Variants in CNTN4 observed in about 807,000 individuals in gnomAD.
CNTN4 encodes contactin 4, also known as contactin-4.
A neutral mutation model predicts 122.5 loss-of-function variants in CNTN4; 77 were observed. The ratio of observed to expected loss-of-function variants is 0.63; its 90% CI spans 0.52 to 0.76. The LOEUF (loss-of-function observed/expected upper bound fraction) is 0.76, where lower values mean the gene tolerates loss of function less well. CNTN4 is among the 30% of genes least tolerant of loss of function. CNTN4 has a pLI of 0.00. For synonymous variants in CNTN4, 512 were observed against 447.0 expected (o/e 1.15, Z -1.83); for missense variants, 1,256 against 1,259.1 (o/e 1.00, Z 0.04).
At chr3:2,799,816 G>A (rs2092302895) in intron 6 of CNTN4, among the ~76,000 whole-genome samples, 1 of 152,088 alleles carries the variant, frequency 6.6e-6, no homozygotes, top group South Asian at 2.1e-4. Context: ...TATATATGGT[G>A]AGAGATAGGG....
intron 2 of CNTN4, among the ~76,000 whole-genome samples, chr3:2,235,082 A>T (rs2039630141): frequency 6.6e-6 from 1 of 152,174 alleles, no homozygotes; most frequent in East Asian, 1.9e-4. Flanking sequence ...CTCAGAACTA[A>T]CAAAAGAACC....
At position 2,231,515 on chromosome 3, in the gene CNTN4, G is replaced by C. The variant is rs889404636; in HGVS notation, c.-144-107663G>C. ...GAGCTTCTATTCTCAAGAGTTCTCT[G>C]AGGAAGCAGTACATCTATGCAAGGA... On this transcript the variant is annotated intron_variant, in intron 2 of 24. Coordinates refer to ENST00000418658, the MANE Select transcript of CNTN4 (RefSeq NM_175607.3). Among the ~76,000 whole-genome samples the C allele has an allele frequency of 3.3e-5, 5 of 152,292 alleles. No individual in the cohort carries two copies. The East Asian group carries it at 9.7e-4, about 29-fold the overall frequency.
At chr3:2,830,089 T>C (rs547773732) in intron 7 of CNTN4, among the ~76,000 whole-genome samples, 1 of 152,336 alleles carries the variant, frequency 6.6e-6, no homozygotes, top group East Asian at 1.9e-4. Context: ...TTTTTCTGTC[T>C]CCTTTTTTCC....
At chr3:2,842,109 A>G (rs184201877) in intron 7 of CNTN4, among the ~76,000 whole-genome samples, 1 of 152,310 alleles carries the variant, frequency 6.6e-6, no homozygotes, top group East Asian at 1.9e-4. Context: ...TCTTCAACAT[A>G]AGGGCAACGG....
At chr3:2,464,309 T>A (rs1173159576) in intron 3 of CNTN4, among the ~76,000 whole-genome samples, 1 of 152,222 alleles carries the variant, frequency 6.6e-6, no homozygotes, top group Non-Finnish European at 1.5e-5. Flanking sequence ...AGCTCTTCCT[T>A]TGACCAGTTA....
intron 2 of CNTN4, among the ~76,000 whole-genome samples, chr3:2,287,711 G>GGAAGAAGAAGAAGAA (rs56014308): frequency 8.7e-4 from 57 of 65,482 alleles, no homozygotes; most frequent in African/African-American, 3.3e-3. Flanking sequence ...AAGAAGAAGA[G>GGAAGAAGAAGAAGAA]GAAGAAGAAG....
At chr3:2,601,059 T>C (rs1157144815) in intron 4 of CNTN4, among the ~76,000 whole-genome samples, 1 of 152,238 alleles carries the variant, frequency 6.6e-6, no homozygotes, top group Non-Finnish European at 1.5e-5. Context: ...TTGTATTTTT[T>C]CTTGTAAATT....
chr3:2,967,198 G>A (rs1406517053), intron 13 of CNTN4, among the ~76,000 whole-genome samples: 1 of 152,160 alleles, frequency 6.6e-6, no homozygotes, highest in Non-Finnish European at 1.5e-5. Context: ...CACATAGGAA[G>A]TCGTAGCTGT....
intron 3 of CNTN4, among the ~76,000 whole-genome samples, chr3:2,476,653 A>G (rs1575719317): frequency 6.6e-6 from 1 of 152,310 alleles, no homozygotes; most frequent in East Asian, 1.9e-4. Context: ...GGGACTATAG[A>G]TGTGCGTGGA....
At chr3:2,443,451 C>T (rs1027696741) in intron 3 of CNTN4, among the ~76,000 whole-genome samples, 1 of 152,150 alleles carries the variant, frequency 6.6e-6, no homozygotes, top group Non-Finnish European at 1.5e-5. Flanking sequence ...GTGCCTTTCT[C>T]TCCCTTTAAC....
At chr3:2,500,722 A>G (rs576959123) in intron 3 of CNTN4, among the ~76,000 whole-genome samples, 14 of 152,016 alleles carry the variant, frequency 9.2e-5, no homozygotes, top group Non-Finnish European at 1.8e-4. Flanking sequence ...AACAGAATCT[A>G]TTTGATATTT....
In CNTN4 at chr3:2,385,835, G is replaced by A. The variant is rs189953739; in HGVS notation, c.-89+46602G>A. 5.0e-4 allele frequency among the ~76,000 whole-genome samples: 76 copies of A among 152,110 alleles called. No homozygotes were observed. The highest frequency in any genetic ancestry group is 9.8e-4 in the Admixed American group (15 of 15,272). ...CTTCCAAATAAGGTCACATTCACAC[G>A]TACCAGGGGTCAAGACTTCAACACA... On this transcript the variant is annotated intron_variant, in intron 3 of 24. Coordinates refer to ENST00000418658, the MANE Select transcript of CNTN4 (RefSeq NM_175607.3). This position sits in a 1 kb window ranked among gnomAD's most constrained non-coding sequence, Gnocchi z 4.0.
chr3:2,977,506 T>G (rs897248919), intron 13 of CNTN4, among the ~76,000 whole-genome samples: 1 of 151,942 alleles, frequency 6.6e-6, no homozygotes, highest in Admixed American at 6.6e-5. Context: ...CTCATTTGAT[T>G]GTTATTATAT....
At chr3:2,618,996 T>C (rs2081889997) in intron 4 of CNTN4, among the ~76,000 whole-genome samples, 6 of 152,204 alleles carry the variant, frequency 3.9e-5, no homozygotes, top group Admixed American at 3.9e-4. Flanking sequence ...AAATACAGGA[T>C]ATGTTCCTTG....
At chr3:2,495,489 G>T (rs1230958708) in intron 3 of CNTN4, among the ~76,000 whole-genome samples, 3 of 152,178 alleles carry the variant, frequency 2.0e-5, no homozygotes, top group African/African-American at 4.8e-5. Flanking sequence ...TATGGCTCTT[G>T]TTTGGTCCCC....
At chr3:2,667,732 G>A (rs200432822) in intron 4 of CNTN4, among the ~76,000 whole-genome samples, 15,972 of 83,748 alleles carry the variant, frequency 0.19, 2,522 homozygotes, top group African/African-American at 0.27. Flanking sequence ...TAGGTTTAAC[G>A]TTTAAATCTT....
intron 4 of CNTN4, among the ~76,000 whole-genome samples, chr3:2,673,086 C>T (rs567402255): frequency 5.3e-5 from 8 of 152,144 alleles, no homozygotes; most frequent in Admixed American, 1.3e-4. Flanking sequence ...TTTTTCTCTC[C>T]GGTCAATACA....
intron 3 of CNTN4, among the ~76,000 whole-genome samples, chr3:2,503,404 G>C (rs188043762): frequency 2.6e-4 from 40 of 152,236 alleles, no homozygotes; most frequent in Non-Finnish European, 4.6e-4. Context: ...TATAATAAAT[G>C]GTTGGGGAAG....
In CNTN4 at chr3:2,717,691, A is replaced by G. The variant is rs574576025; in HGVS notation, c.56-18524A>G. On this transcript the variant is annotated intron_variant, in intron 4 of 24. Coordinates refer to ENST00000418658, the MANE Select transcript of CNTN4 (RefSeq NM_175607.3). ...ATATACCTAGGGATGAAATTTCTGG[A>G]TCAACTTTTTGAGCAACTGCAAACT... Among the ~76,000 whole-genome samples the G allele has an allele frequency of 7.0e-4, 107 of 152,286 alleles. 1 individual carries two copies. Among genetic ancestry groups the G allele is most frequent in the Admixed American group, 2.6e-3 (39 of 15,292 alleles).
Sources: gnomAD v4.1 joint callset for allele counts (sites outside exome capture counted in the v4.1 genomes callset) on GRCh38, gnomAD v4.1.1 for gene constraint, Gnocchi (gnomAD v3.1) non-coding constraint, MANE v1.5 for transcripts, NCBI Gene and HGNC (gene_info 2026-07-23, HGNC 2026-07-21) for gene names.